The following KLHL1 variants were observed in gnomAD, a reference collection of about 807,000 sequenced individuals.
KLHL1 encodes the protein kelch like family member 1, also known as kelch-like protein 1.
KLHL1 carries 47 observed loss-of-function variants against 77.7 expected under a neutral mutation model. That is an observed-to-expected ratio of 0.60 (90% CI 0.48 to 0.77). The LOEUF (loss-of-function observed/expected upper bound fraction) is 0.77, where lower values mean the gene tolerates loss of function less well. Ranked by LOEUF, KLHL1 falls within the 30% of genes least tolerant of loss-of-function variation. The pLI, the probability that KLHL1 is intolerant of heterozygous loss-of-function variation, is 0.00. For synonymous variants in KLHL1, 360 were observed against 325.2 expected, an observed-to-expected ratio of 1.11 and a Z score of -1.15; for missense variants, 925 against 910.8, an observed-to-expected ratio of 1.02 and a Z score of -0.20.
intron 3 of KLHL1, among the ~76,000 whole-genome samples, chr13:69,956,727 T>C (rs1354222826): frequency 1.3e-5 from 2 of 151,626 alleles, no homozygotes; most frequent in African/African-American, 2.4e-5. Context: ...TTAAGAAATT[T>C]AGAGGCTTTG....
chr13:69,927,978 T>A (rs1263057349), intron 4 of KLHL1, among the ~76,000 whole-genome samples: 1 of 152,196 alleles, frequency 6.6e-6, no homozygotes, highest in African/African-American at 2.4e-5. Flanking sequence ...TTAACAAGAA[T>A]GCTGGACAGA....
intron 1 of KLHL1, among the ~76,000 whole-genome samples, chr13:69,993,020 G>T (rs1252401798): frequency 6.6e-6 from 1 of 151,526 alleles, no homozygotes; most frequent in Non-Finnish European, 1.5e-5. Flanking sequence ...AAATTAAACT[G>T]CCATAAGCAG....
intron 1 of KLHL1, among the ~76,000 whole-genome samples, chr13:69,994,821 A>G (rs867995929): frequency 1.1e-4 from 16 of 152,206 alleles, no homozygotes; most frequent in African/African-American, 3.6e-4. Context: ...AATTTTTTTA[A>G]AAAATACTAA....
At chr13:69,951,312 A>T (rs1883700877) in intron 3 of KLHL1, among the ~76,000 whole-genome samples, 1 of 151,316 alleles carries the variant, frequency 6.6e-6, no homozygotes, top group South Asian at 2.1e-4. Flanking sequence ...CAAGTGGCTT[A>T]TTTTTTCTTT....
At chr13:70,069,406 TTTAAC>T (rs1887087683) in intron 1 of KLHL1, among the ~76,000 whole-genome samples, 1 of 152,190 alleles carries the variant, frequency 6.6e-6, no homozygotes, top group African/African-American at 2.4e-5. Flanking sequence ...CTCAGTTTCT[TTTAAC>T]TGATAAATCA....
chr13:69,824,447 G>C (rs552817593), intron 6 of KLHL1, among the ~76,000 whole-genome samples: 1 of 152,056 alleles, frequency 6.6e-6, no homozygotes, highest in Admixed American at 6.6e-5. Context: ...ACATATATGT[G>C]CAGTGACCAC....
chr13:70,054,027 A>G (rs74093213), intron 1 of KLHL1, among the ~76,000 whole-genome samples: 2,609 of 152,214 alleles, frequency 0.017, 50 homozygotes, highest in African/African-American at 0.043. Context: ...ATTTCTGGGA[A>G]AAATGTGAGT....
chr13:70,053,465 TA>T (rs1354441608), intron 1 of KLHL1, among the ~76,000 whole-genome samples: 1 of 151,974 alleles, frequency 6.6e-6, no homozygotes, highest in East Asian at 1.9e-4. Context: ...TTCCTGTCAA[TA>T]AAATATTTTA....
intron 7 of KLHL1, among the ~76,000 whole-genome samples, chr13:69,775,846 G>A (rs889776398): frequency 1.3e-5 from 2 of 151,740 alleles, no homozygotes; most frequent in Non-Finnish European, 2.9e-5. Flanking sequence ...GGTGGTAACT[G>A]CATTTTAAAA....
chr13:69,907,333 C>G (rs969311614), intron 4 of KLHL1, among the ~76,000 whole-genome samples: 2 of 151,986 alleles, frequency 1.3e-5, no homozygotes, highest in Non-Finnish European at 2.9e-5. Flanking sequence ...GACATTGACA[C>G]TGCAAGTGTT....
At chr13:69,975,504 C>A in intron 2 of KLHL1, 116 bp downstream of exon 2, 1 of 934,606 alleles carries the variant, frequency 1.1e-6, no homozygotes, top group Non-Finnish European at 1.6e-6. Flanking sequence ...CAACAAAAAA[C>A]TTAAAAAAAT....
chr13:69,765,582 T>C (rs1875262471), intron 7 of KLHL1, among the ~76,000 whole-genome samples: 1 of 152,162 alleles, frequency 6.6e-6, no homozygotes, highest in African/African-American at 2.4e-5. Flanking sequence ...CAGAGACTGA[T>C]AATTGGCCAC....
intron 5 of KLHL1, among the ~76,000 whole-genome samples, chr13:69,850,545 T>G (rs1024347710): frequency 1.3e-5 from 2 of 151,496 alleles, no homozygotes; most frequent in Non-Finnish European, 3.0e-5. Flanking sequence ...ACCCTTCCAT[T>G]TCATTACTTG....
chr13:69,718,184 T>C (rs928905191), intron 9 of KLHL1, among the ~76,000 whole-genome samples: 6 of 152,286 alleles, frequency 3.9e-5, no homozygotes, highest in African/African-American at 1.4e-4. Context: ...AGGAAAATTT[T>C]TCTGCTGTCA....
chr13:69,830,792 C>G (rs1834124), intron 6 of KLHL1, among the ~76,000 whole-genome samples: 29,487 of 149,464 alleles, frequency 0.2, 5,032 homozygotes, highest in African/African-American at 0.37. Flanking sequence ...AACTCCAAAA[C>G]AAACCCTCAA....
chr13:70,063,166 C>T (rs1886931098), intron 1 of KLHL1, among the ~76,000 whole-genome samples: 2 of 152,068 alleles, frequency 1.3e-5, no homozygotes, highest in African/African-American at 4.8e-5. Context: ...TATCCAGATC[C>T]AGCTCTGATT....
intron 1 of KLHL1, among the ~76,000 whole-genome samples, chr13:70,031,712 A>G (rs1273049415): frequency 6.6e-6 from 1 of 152,186 alleles, no homozygotes; most frequent in Non-Finnish European, 1.5e-5. Context: ...ACAGAGAAAC[A>G]GGCACAAAGG....
intron 8 of KLHL1, among the ~76,000 whole-genome samples, chr13:69,725,139 A>T (rs2137904292): frequency 6.6e-6 from 1 of 152,272 alleles, no homozygotes; most frequent in Admixed American, 6.5e-5. Context: ...TGGTCAAGGA[A>T]CAATTCTCTA....
Position 70,044,859 on chromosome 13 carries a change from T to C in KLHL1, c.497+62344A>G, listed in dbSNP as rs532968702. Among the ~76,000 whole-genome samples the C allele has an allele frequency of 2.1e-4, 32 of 152,292 alleles. No homozygotes were observed. In the South Asian group the frequency reaches 6.4e-3, roughly 31 times the overall value. The stretch of plus-strand genomic sequence containing the variant: ...CACAGCTTATCTGTCAGTTTTTCAA[T>C]AGTCAGCACACCAGGAGTTATAGAA... On this transcript the variant is annotated intron_variant, in intron 1 of 10. Transcript: ENST00000377844.
Sources: gnomAD v4.1 joint callset for allele counts (sites outside exome capture counted in the v4.1 genomes callset) on GRCh38, gnomAD v4.1.1 for gene constraint, MANE v1.5 for transcripts, NCBI Gene and HGNC (gene_info 2026-07-23, HGNC 2026-07-21) for gene names.